Variants in CRYBG3 observed in about 807,000 individuals in gnomAD.
CRYBG3 encodes the protein very large A-kinase anchor protein.
A neutral mutation model predicts 244.2 loss-of-function variants in CRYBG3; 127 were observed. That is an observed-to-expected ratio of 0.52 (90% CI 0.45 to 0.60). The LOEUF is 0.60. Ranked by LOEUF, CRYBG3 falls within the 20% of genes least tolerant of loss-of-function variation. CRYBG3 has a pLI of 0.00. For synonymous variants in CRYBG3, 1,132 were observed against 1,195.8 expected (o/e 0.95, Z 1.10); for missense variants, 3,325 against 3,442.5 (o/e 0.97, Z 0.85).
chr3:97,823,226 T>G (rs1000870319), intron 1 of CRYBG3, among the ~76,000 whole-genome samples: 1 of 152,204 alleles, frequency 6.6e-6, no homozygotes, highest in Non-Finnish European at 1.5e-5. Flanking sequence ...GCAGCTCGCT[T>G]TCTTAAACTT....
At chr3:97,921,299 T>A (rs1342793076) in intron 17 of CRYBG3, among the ~76,000 whole-genome samples, 1 of 152,176 alleles carries the variant, frequency 6.6e-6, no homozygotes, top group Non-Finnish European at 1.5e-5. Flanking sequence ...TTTCACTTTC[T>A]CCTTTTCATC....
At position 97,872,362 on chromosome 3, in the gene CRYBG3, C is replaced by G; in HGVS notation, c.1168C>G (p.Arg390Gly). Residue 390 changes from arginine to glycine, a missense_variant, in exon 4 of 22, where the codon CGC becomes GGC. This residue lies in a region of CRYBG3 where 1,526 missense variants were observed against 1,443.2 expected (regional missense o/e 1.06). Transcript: ENST00000389622. ...AGCATTGTTAACAGGAAGTAACCAT[C>G]GCAAAGTCCCTTGCAGCCCAGATTT... ...CSALLTGSNH[R>G]KVPCSPDFQR... The G allele has an allele frequency of 1.3e-6, 2 of 1,535,828 alleles. No homozygotes were observed. Among genetic ancestry groups the G allele is most frequent in the Non-Finnish European group, 1.7e-6 (2 of 1,146,794 alleles).
chr3:97,933,724 G>A lies in CRYBG3; in HGVS notation c.8272G>A (p.Ala2758Thr). 1 of 1,612,932 alleles carries A rather than the reference G, an allele frequency of 6.2e-7. No individual in the cohort carries two copies. Among genetic ancestry groups the A allele is most frequent in the South Asian group, 1.1e-5 (1 of 91,016 alleles). The change falls in exon 18 of 22, where the codon GCT becomes ACT. Residue 2758 changes from alanine (A) to threonine (T), a missense_variant. Coordinates refer to ENST00000389622, the MANE Select transcript of CRYBG3 (RefSeq NM_153605.4). ...VFEEPSISLF[A>T]LEHCEGRELH... Reference sequence around the variant, plus strand: ...TGAAGAACCCTCCATCAGCCTTTTTGCTCTGGAGCATTGTGAGGGAAGAGA... The same window carrying A: ...TGAAGAACCCTCCATCAGCCTTTTTACTCTGGAGCATTGTGAGGGAAGAGA...
intron 17 of CRYBG3, among the ~76,000 whole-genome samples, chr3:97,926,615 A>G (rs1323443765): frequency 6.6e-6 from 1 of 152,010 alleles, no homozygotes. Context: ...AAATAGAAAA[A>G]AAGGGAGTCA....
At chr3:97,936,257 G>A (rs1396644239) in intron 18 of CRYBG3, among the ~76,000 whole-genome samples, 1 of 152,052 alleles carries the variant, frequency 6.6e-6, no homozygotes, top group Non-Finnish European at 1.5e-5. Flanking sequence ...GGGTTTCGGG[G>A]AGGATTCTCA....
chr3:97,943,177 A>G (rs1416323995), intron 21 of CRYBG3, 49 bp from the exon 22 acceptor site: 4 of 1,043,148 alleles, frequency 3.8e-6, no homozygotes, highest in Non-Finnish European at 5.8e-6. Flanking sequence ...TGAAATTGCT[A>G]AGCACCTGCC....
At position 97,864,659 on chromosome 3, in the gene CRYBG3, A is replaced by G; in HGVS notation, c.647+12A>G. 1 of 1,495,816 alleles carries G rather than the reference A, an allele frequency of 6.7e-7. No homozygotes were observed. The highest frequency in any genetic ancestry group is 8.9e-7 in the Non-Finnish European group (1 of 1,129,770). 92.7% of individuals were successfully genotyped at this position (1,495,816 alleles called of 1,614,324 possible). A position where few individuals can be genotyped will look rare whatever the true frequency, so the allele number is the denominator to read the frequency against. Reference sequence around the variant, plus strand: ...ACTAATTTGCTAAAGTAAGTTTAAAATTTCATTGAACCAAAAAAAATTGAG... The same window carrying G: ...ACTAATTTGCTAAAGTAAGTTTAAAGTTTCATTGAACCAAAAAAAATTGAG... On this transcript the variant is annotated intron_variant, in intron 3 of 21. Coordinates refer to ENST00000389622, the MANE Select transcript of CRYBG3 (RefSeq NM_153605.4).
Position 97,944,472 on chromosome 3 carries a change from C to A in CRYBG3, c.*1158C>A, listed in dbSNP as rs776762772. ...TATTTTTATAAAGAAAGATTAAATTCTCCAATGATATTTTAAAAAATATCA... is the reference window on the plus strand; with the variant it reads ...TATTTTTATAAAGAAAGATTAAATTATCCAATGATATTTTAAAAAATATCA... On this transcript the variant is annotated 3_prime_UTR_variant, in exon 22 of 22. Transcript: ENST00000389622. 114 of 152,298 alleles carry A rather than the reference C, an allele frequency of 7.5e-4. No individual in the cohort carries two copies. The highest frequency in any genetic ancestry group is 1.1e-3 in the Non-Finnish European group (74 of 67,900). The allele number at this position is 152,298 out of a possible 1,614,324, so 9.4% of individuals were successfully genotyped here. A position where few individuals can be genotyped will look rare whatever the true frequency, so the allele number is the denominator to read the frequency against.
At chr3:97,927,145 C>T (rs1011289387) in intron 17 of CRYBG3, among the ~76,000 whole-genome samples, 1 of 152,068 alleles carries the variant, frequency 6.6e-6, no homozygotes, top group Non-Finnish European at 1.5e-5. Context: ...CTGGAGGCAT[C>T]ATGCCACCCG....
chr3:97,891,004 A>G (rs980359665), intron 10 of CRYBG3, among the ~76,000 whole-genome samples: 9 of 152,120 alleles, frequency 5.9e-5, no homozygotes, highest in African/African-American at 1.4e-4. Context: ...TAGAAATAAT[A>G]TTTTTCAGTA....
chr3:97,938,200 GAGA>G (rs1275653610), intron 19 of CRYBG3, among the ~76,000 whole-genome samples: 1 of 151,982 alleles, frequency 6.6e-6, no homozygotes. Flanking sequence ...AAGGCTCTGA[GAGA>G]AGAATAAGGC....
intron 17 of CRYBG3, chr3:97,924,167 T>A: frequency 3.2e-6 from 1 of 316,876 alleles, no homozygotes; most frequent in Non-Finnish European, 6.1e-6. Context: ...GATAACAGCA[T>A]TCCAATGGAG....
At chr3:97,848,678 A>G (rs907923900) in intron 2 of CRYBG3, among the ~76,000 whole-genome samples, 14 of 152,288 alleles carry the variant, frequency 9.2e-5, no homozygotes, top group African/African-American at 3.4e-4. Flanking sequence ...CGCTCACCTC[A>G]GTCTCCTGAG....
At chr3:97,856,636 G>T (rs553624334) in intron 2 of CRYBG3, among the ~76,000 whole-genome samples, 2 of 152,222 alleles carry the variant, frequency 1.3e-5, no homozygotes, top group Middle Eastern at 3.4e-3. Flanking sequence ...TCCGTTTGGG[G>T]TCCCTGACTT....
chr3:97,881,075 G>GAAAA lies in CRYBG3; in HGVS notation c.7009_7010insAAAA (p.Ile2337LysfsTer5), dbSNP rs1269785540. Reference sequence around the variant, plus strand: ...CATTGCATTTCTCTTTGTTTAGCTGGATTTTATATGAGAAACCACATTTCC... The same window carrying GAAAA: ...CATTGCATTTCTCTTTGTTTAGCTGGAAAAATTTTATATGAGAAACCACATTTCC... On this transcript the variant is annotated frameshift_variant, in exon 7 of 22. Coordinates refer to ENST00000389622, the MANE Select transcript of CRYBG3 (RefSeq NM_153605.4). LOFTEE classifies it high-confidence loss of function. 3.2e-6 allele frequency: 5 copies of GAAAA among 1,582,810 alleles called. No homozygotes were observed. In the African/African-American group the frequency reaches 6.8e-5, roughly 22 times the overall value.
chr3:97,851,048 G>A (rs767021216), intron 2 of CRYBG3, among the ~76,000 whole-genome samples: 2 of 151,486 alleles, frequency 1.3e-5, no homozygotes, highest in Non-Finnish European at 2.9e-5. Context: ...CAGAAGAATG[G>A]CTTGAATCTG....
chr3:97,912,276 G>A lies in CRYBG3; in HGVS notation c.8114G>A (p.Cys2705Tyr). The change falls in exon 16 of 22, where the codon TGC becomes TAC. Residue 2705 changes from cysteine (C) to tyrosine (Y), a missense_variant and splice_region_variant. Coordinates refer to ENST00000389622, the MANE Select transcript of CRYBG3 (RefSeq NM_153605.4). ...MPCSFKVLRG[C>Y]WLLYYQEDMF... ...TGTTCTTTTAAAGTTCTTCGAGGTT[G>A]GTAAGTATGCTTACTTAGTGGTTTC... is the stretch of plus-strand genomic sequence containing the variant. 6.6e-7 allele frequency: 1 copy of A among 1,520,508 alleles called. No homozygotes were observed. Among genetic ancestry groups the A allele is most frequent in the Non-Finnish European group, 9.1e-7 (1 of 1,104,546 alleles). The allele number at this position is 1,520,508 out of a possible 1,614,324, so 94.2% of individuals were successfully genotyped here. A position where few individuals can be genotyped will look rare whatever the true frequency, so the allele number is the denominator to read the frequency against.
chr3:97,829,921 T>A (rs761577103), intron 1 of CRYBG3, among the ~76,000 whole-genome samples: 2 of 152,052 alleles, frequency 1.3e-5, no homozygotes, highest in Non-Finnish European at 2.9e-5. Context: ...GAAACTTTAA[T>A]TTTTTTTCAA....
rs1481588271 is a variant in CRYBG3 at position 97,938,985 on chromosome 3, A to G, written c.8505+2077A>G. ...AAAGCCATCAGAAAAAGCAAAGTAGAGATAGGAATTCAGTTTAGCTTTTAC... is the reference window on the plus strand; with the variant it reads ...AAAGCCATCAGAAAAAGCAAAGTAGGGATAGGAATTCAGTTTAGCTTTTAC... On this transcript the variant is annotated intron_variant, in intron 19 of 21. Transcript: ENST00000389622. Among the ~76,000 whole-genome samples, 4 of 151,970 alleles carry G rather than the reference A, an allele frequency of 2.6e-5. No homozygotes were observed. The East Asian group carries it at 5.8e-4, about 22-fold the overall frequency.
Sources: gnomAD v4.1 joint callset for allele counts (sites outside exome capture counted in the v4.1 genomes callset) on GRCh38, gnomAD v4.1.1 for gene constraint, gnomAD v4.1.1 regional missense constraint, MANE v1.5 for transcripts, NCBI Gene and HGNC (gene_info 2026-07-23, HGNC 2026-07-21) for gene names.